Variants in STRN observed in about 807,000 individuals in gnomAD.
STRN encodes protein phosphatase 2 regulatory subunit B'''alpha.
Under a neutral mutation model 96.3 loss-of-function variants are expected in STRN, and 53 were observed. That is an observed-to-expected ratio of 0.55 (90% confidence interval 0.44 to 0.69). STRN has a LOEUF of 0.69. Among genes scored for constraint, STRN ranks in the 30% least tolerant of loss-of-function variants. The pLI is 0.00. For missense variants in STRN, 987 were observed against 963.9 expected, an observed-to-expected ratio of 1.02 and a Z score of -0.32; for synonymous variants, 428 against 355.9, an observed-to-expected ratio of 1.20 and a Z score of -2.28.
chr2:36,893,822 A>C (rs926858570), intron 7 of STRN, 76 bp downstream of exon 7: 2 of 1,492,726 alleles, frequency 1.3e-6, no homozygotes, highest in African/African-American at 2.8e-5. Context: ...TATAGTTAAG[A>C]TGTTGCCCTC....
intron 1 of STRN, 35 bp downstream of exon 1, chr2:36,966,195 C>T (rs780369668): frequency 1.2e-5 from 18 of 1,504,492 alleles, no homozygotes; most frequent in South Asian, 2.5e-5. Flanking sequence ...AGCAAAGAGG[C>T]GGGATGAAGA....
chr2:36,929,161 T>TAAACAAAAAAGATA (rs991643744), intron 1 of STRN, among the ~76,000 whole-genome samples: 2 of 152,046 alleles, frequency 1.3e-5, no homozygotes, highest in Non-Finnish European at 2.9e-5. Context: ...CTAACCATTA[T>TAAACAAAAAAGATA]AAACAAAAAA....
At chr2:36,896,064 G>C (rs1415979004) in intron 6 of STRN, among the ~76,000 whole-genome samples, 1 of 152,138 alleles carries the variant, frequency 6.6e-6, no homozygotes, top group Non-Finnish European at 1.5e-5. Flanking sequence ...TCTAGACTCT[G>C]ATGAGTTGCC....
intron 4 of STRN, among the ~76,000 whole-genome samples, chr2:36,904,185 A>T (rs1393714731): frequency 1.3e-5 from 2 of 152,268 alleles, no homozygotes; most frequent in Non-Finnish European, 2.9e-5. Context: ...AAGTGTGGGC[A>T]TTAGTAAAAA....
At chr2:36,948,351 C>T (rs1462971268) in intron 1 of STRN, among the ~76,000 whole-genome samples, 2 of 152,010 alleles carry the variant, frequency 1.3e-5, no homozygotes, top group South Asian at 2.1e-4. Flanking sequence ...CCGCCCGCCT[C>T]GGCCTCTCAA....
chr2:36,914,867 C>A (rs1670048862), intron 3 of STRN, among the ~76,000 whole-genome samples: 1 of 151,870 alleles, frequency 6.6e-6, no homozygotes, highest in South Asian at 2.1e-4. Flanking sequence ...TTATCTTTAC[C>A]AAAGATACTT....
chr2:36,902,654 C>T lies in STRN; in HGVS notation c.589G>A (p.Glu197Lys). 1 of 1,612,276 alleles carries T rather than the reference C, an allele frequency of 6.2e-7. No individual in the cohort carries two copies. Among genetic ancestry groups the T allele is most frequent in the Non-Finnish European group, 8.5e-7 (1 of 1,178,720 alleles). Residue 197 changes from glutamate to lysine, a missense_variant, in exon 5 of 18, where the codon GAA becomes AAA. Physicochemically the swap from Glu to Lys is moderately conservative, Grantham distance 56 (BLOSUM62 1). Coordinates refer to ENST00000263918, the MANE Select transcript of STRN (RefSeq NM_003162.4). ...LGFSSDVTDR[E>K]DDKNQDSVVN... ...ACTGAGTCCTGATTTTTGTCATCTTCCCTGTCCGTGACATCACTTGAAAAG... is the reference window on the plus strand; with the variant it reads ...ACTGAGTCCTGATTTTTGTCATCTTTCCTGTCCGTGACATCACTTGAAAAG...
chr2:36,908,577 T>C (rs1669880924), intron 3 of STRN, among the ~76,000 whole-genome samples: 2 of 152,144 alleles, frequency 1.3e-5, no homozygotes, highest in Admixed American at 6.6e-5. Flanking sequence ...ACTTTTATGA[T>C]ATGTAAATTA....
intron 1 of STRN, among the ~76,000 whole-genome samples, chr2:36,951,942 C>T (rs1263202972): frequency 2.0e-5 from 3 of 152,258 alleles, no homozygotes; most frequent in African/African-American, 4.8e-5. Context: ...CATAGGAGCA[C>T]GGATCCTACT....
In STRN at chr2:36,966,355, C is replaced by T. The variant is rs1289571315; in HGVS notation, c.109G>A (p.Ala37Thr). 3 of 1,476,714 alleles carry T rather than the reference C, an allele frequency of 2.0e-6. No individual in the cohort carries two copies. The highest frequency in any genetic ancestry group is 2.7e-6 in the Non-Finnish European group (3 of 1,116,010). The allele number at this position is 1,476,714 out of a possible 1,614,324, so 91.5% of individuals were successfully genotyped here. A position where few individuals can be genotyped will look rare whatever the true frequency, so the allele number is the denominator to read the frequency against. ...GCTCGGGCCGCCCCCGCCGCAGCCG[C>T]CCCGTCGCCGGCCGCGGCAGCCTCC... ...LAEAAAAGDG[A>T]AAAGAARAQY... The change falls in exon 1 of 18, where the codon GCG becomes ACG. Residue 37 changes from alanine (A) to threonine (T), a missense_variant. By Grantham distance (58) the Ala-to-Thr change is moderately conservative. Coordinates refer to ENST00000263918, the MANE Select transcript of STRN (RefSeq NM_003162.4).
At position 36,948,648 on chromosome 2, in the gene STRN, T is replaced by C. The variant is rs184601308; in HGVS notation, c.234+17582A>G. Among the ~76,000 whole-genome samples the C allele has an allele frequency of 4.2e-3, 635 of 152,312 alleles. 3 individuals are homozygous for C. Among genetic ancestry groups the C allele is most frequent in the Middle Eastern group, 0.014 (4 of 294 alleles). On this transcript the variant is annotated intron_variant, in intron 1 of 17. Transcript: ENST00000263918. Reference sequence around the variant, plus strand: ...GCTATATCCCTAATTCCTAGAACAGTTACTTGCATGTAGTAGACGCTCAAT... The same window carrying C: ...GCTATATCCCTAATTCCTAGAACAGCTACTTGCATGTAGTAGACGCTCAAT...
intron 3 of STRN, among the ~76,000 whole-genome samples, chr2:36,907,161 T>G (rs1669841782): frequency 6.6e-6 from 1 of 152,202 alleles, no homozygotes. Context: ...CCTCAGCCCT[T>G]GATCAAACTC....
intron 4 of STRN, among the ~76,000 whole-genome samples, chr2:36,903,443 C>A (rs1270096345): frequency 6.6e-6 from 1 of 152,126 alleles, no homozygotes; most frequent in Non-Finnish European, 1.5e-5. Flanking sequence ...AACAGACACA[C>A]CTAATATTGT....
At chr2:36,921,544 C>T (rs1188767600) in intron 2 of STRN, among the ~76,000 whole-genome samples, 2 of 152,144 alleles carry the variant, frequency 1.3e-5, no homozygotes, top group Non-Finnish European at 2.9e-5. Flanking sequence ...CTTTTTAATT[C>T]ATTTGATACC....
chr2:36,965,126 G>A (rs1665127397), intron 1 of STRN, among the ~76,000 whole-genome samples: 1 of 151,758 alleles, frequency 6.6e-6, no homozygotes, highest in Admixed American at 6.6e-5. Flanking sequence ...TTTTTCTTAA[G>A]CGCCAAATAC....
At position 36,849,349 on chromosome 2, in the gene STRN, A is replaced by G; in HGVS notation, c.*107T>C. 1.5e-6 allele frequency: 2 copies of G among 1,295,330 alleles called. No homozygotes were observed. The highest frequency in any genetic ancestry group is 1.4e-5 in the South Asian group (1 of 70,600). The allele number at this position is 1,295,330 out of a possible 1,614,324, so 80.2% of individuals were successfully genotyped here. A position where few individuals can be genotyped will look rare whatever the true frequency, so the allele number is the denominator to read the frequency against. On this transcript the variant is annotated 3_prime_UTR_variant, in exon 18 of 18. Coordinates refer to ENST00000263918, the MANE Select transcript of STRN (RefSeq NM_003162.4). ...CAACAAATGTTCTCTGTGCTCCTTC[A>G]GCAGAACAAAAGGGCAGGACGAGAT...
chr2:36,961,731 C>A (rs928033706), intron 1 of STRN, among the ~76,000 whole-genome samples: 1 of 151,992 alleles, frequency 6.6e-6, no homozygotes, highest in Admixed American at 6.6e-5. Flanking sequence ...TAAAACATTC[C>A]GACGGCTGCT....
At chr2:36,934,180 T>G (rs780343410) in intron 1 of STRN, among the ~76,000 whole-genome samples, 7 of 152,078 alleles carry the variant, frequency 4.6e-5, no homozygotes, top group Non-Finnish European at 1.0e-4. Context: ...AAGAAAAATG[T>G]AAGGACTAAG....
chr2:36,894,852 T>C (rs1159418921), intron 6 of STRN, among the ~76,000 whole-genome samples: 5 of 152,186 alleles, frequency 3.3e-5, no homozygotes, highest in Non-Finnish European at 4.4e-5. Context: ...GTGACTTGTA[T>C]GGCCCTGTTC....
Sources: gnomAD v4.1 joint callset for allele counts (sites outside exome capture counted in the v4.1 genomes callset) on GRCh38, gnomAD v4.1.1 for gene constraint, MANE v1.5 for transcripts, NCBI Gene and HGNC (gene_info 2026-07-23, HGNC 2026-07-21) for gene names.